The following LARP1 variants were observed in gnomAD, a reference collection of about 807,000 sequenced individuals.
LARP1 encodes the protein la-related protein 1.
LARP1 carries 36 observed loss-of-function variants against 122.7 expected under a neutral mutation model. The observed-to-expected ratio is 0.29, with a 90% CI of 0.22 to 0.39. The LOEUF (loss-of-function observed/expected upper bound fraction) is 0.39, where lower values mean the gene tolerates loss of function less well. Among genes scored for constraint, LARP1 ranks in the 10% least tolerant of loss-of-function variants. The probability of loss-of-function intolerance (pLI) is 1.00; values close to 1 mark genes in which losing one functional copy is unlikely to be tolerated. For missense variants in LARP1, 1,040 were observed against 1,403.6 expected, an observed-to-expected ratio of 0.74 and a Z score of 4.14; for synonymous variants, 539 against 528.7, an observed-to-expected ratio of 1.02 and a Z score of -0.27.
At position 154,756,178 on chromosome 5, in the gene LARP1, G is replaced by C. The variant is rs1284988267; in HGVS notation, c.421G>C (p.Gly141Arg). The C allele has an allele frequency of 7.6e-7, 1 of 1,308,756 alleles. No homozygotes were observed. The highest frequency in any genetic ancestry group is 1.0e-6 in the Non-Finnish European group (1 of 994,966). The allele number at this position is 1,308,756 out of a possible 1,614,324, so 81.1% of individuals were successfully genotyped here. A position where few individuals can be genotyped will look rare whatever the true frequency, so the allele number is the denominator to read the frequency against. ...GCCGCCGGTCCTGACCACCGTGAAC[G>C]GACAGTCCCCCCCAGGTGGGTCTCC... ...ALPPVLTTVN[G>R]QSPPEHSAPA... Residue 141 changes from glycine (G) to arginine (R), a missense_variant, in exon 1 of 19, where the codon GGA becomes CGA. This residue lies in a region of LARP1 where 257 missense variants were observed against 273.3 expected (regional missense o/e 0.94). Transcript: ENST00000518297.
chr5:154,800,086 C>T, intron 10 of LARP1, 44 bp downstream of exon 10: 1 of 1,578,910 alleles, frequency 6.3e-7, no homozygotes, highest in Admixed American at 1.7e-5. Context: ...GCACTCTGAG[C>T]TAGGGTGCTT....
intron 1 of LARP1, among the ~76,000 whole-genome samples, chr5:154,788,425 C>T (rs1757058895): frequency 6.6e-6 from 1 of 152,136 alleles, no homozygotes; most frequent in African/African-American, 2.4e-5. Context: ...AGTGGCCTCA[C>T]AGTGAGGAGT....
intron 13 of LARP1, among the ~76,000 whole-genome samples, 162 bp from the exon 14 acceptor site, chr5:154,804,039 T>A (rs943244444): frequency 1.3e-5 from 2 of 152,180 alleles, no homozygotes; most frequent in African/African-American, 4.8e-5. Context: ...GAAATAGGCA[T>A]ACCAGTTCCT....
chr5:154,688,925 A>G (rs1754062286), intron 1 of LARP1, among the ~76,000 whole-genome samples: 1 of 152,238 alleles, frequency 6.6e-6, no homozygotes, highest in Non-Finnish European at 1.5e-5. Context: ...GAATGTATTA[A>G]TGCATTCCTT....
At chr5:154,704,188 A>G (rs770552214) in intron 1 of LARP1, among the ~76,000 whole-genome samples, 1 of 152,246 alleles carries the variant, frequency 6.6e-6, no homozygotes, top group African/African-American at 2.4e-5. Context: ...TGGGTTAATT[A>G]CAAGTACGAT....
At chr5:154,781,686 C>T (rs147277535) in intron 1 of LARP1, among the ~76,000 whole-genome samples, 25 of 152,296 alleles carry the variant, frequency 1.6e-4, no homozygotes, top group African/African-American at 5.8e-4. Context: ...CAAGCTTGTC[C>T]AAAGGACGGC....
At chr5:154,738,451 G>A (rs901363289) in intron 1 of LARP1, among the ~76,000 whole-genome samples, 3 of 152,202 alleles carry the variant, frequency 2.0e-5, no homozygotes, top group African/African-American at 7.2e-5. Flanking sequence ...AATTAGCCAG[G>A]TTTGGCAGCA....
intron 16 of LARP1, among the ~76,000 whole-genome samples, chr5:154,809,120 C>G (rs1759035539): frequency 6.6e-6 from 1 of 151,934 alleles, no homozygotes; most frequent in Admixed American, 6.6e-5. Context: ...TAGTCCATCT[C>G]CTATTAGTGG....
At chr5:154,753,441 T>C (rs1753611890), upstream of LARP1, among the ~76,000 whole-genome samples, 1 of 152,232 alleles carries the variant, frequency 6.6e-6, no homozygotes, top group African/African-American at 2.4e-5. Flanking sequence ...ACCTCATCTC[T>C]TCAAATAAAT....
At chr5:154,809,995 C>T (rs746644673) in intron 16 of LARP1, among the ~76,000 whole-genome samples, 65 of 152,160 alleles carry the variant, frequency 4.3e-4, no homozygotes, top group Non-Finnish European at 3.5e-4. Context: ...TGTGAGCCAC[C>T]GCGCCCTGCC....
intron 1 of LARP1, among the ~76,000 whole-genome samples, chr5:154,742,950 G>C (rs1752984413): frequency 6.6e-6 from 1 of 152,166 alleles, no homozygotes; most frequent in Non-Finnish European, 1.5e-5. Context: ...AAGGGAAGCA[G>C]TGTGACAAAC....
intron 1 of LARP1, among the ~76,000 whole-genome samples, chr5:154,781,410 G>A (rs1756422655): frequency 6.6e-6 from 1 of 152,140 alleles, no homozygotes; most frequent in Non-Finnish European, 1.5e-5. Context: ...GGCTAATATG[G>A]TGAAACCCTG....
At chr5:154,686,310 A>T (rs541335771) in intron 1 of LARP1, among the ~76,000 whole-genome samples, 1 of 152,138 alleles carries the variant, frequency 6.6e-6, no homozygotes, top group South Asian at 2.1e-4. Context: ...GCTCCGGAAG[A>T]GGTGGTGTTT....
intron 1 of LARP1, among the ~76,000 whole-genome samples, chr5:154,750,211 C>T (rs577814062): frequency 2.6e-5 from 4 of 152,330 alleles, no homozygotes; most frequent in Middle Eastern, 3.4e-3. Context: ...GTTTTTGAGA[C>T]GGGGTCTCAC....
chr5:154,733,578 T>C (rs1017890056), intron 1 of LARP1, among the ~76,000 whole-genome samples: 3 of 151,774 alleles, frequency 2.0e-5, no homozygotes, highest in African/African-American at 7.3e-5. Flanking sequence ...TTTTTTTTTT[T>C]TGGAGACGGA....
At chr5:154,806,088 G>A in intron 15 of LARP1, 56 bp downstream of exon 15, 7 of 1,576,098 alleles carry the variant, frequency 4.4e-6, no homozygotes, top group Non-Finnish European at 6.0e-6. Context: ...TAGACCCAGA[G>A]TATAAGAGTT....
intron 1 of LARP1, among the ~76,000 whole-genome samples, chr5:154,721,387 CTGTT>C (rs1271544022): frequency 2.7e-5 from 4 of 148,742 alleles, no homozygotes; most frequent in Admixed American, 6.7e-5. Context: ...AGGGATTCCT[CTGTT>C]TGTTTGAATG....
At chr5:154,801,877 T>G in intron 10 of LARP1, 130 bp from the exon 11 acceptor site, 1 of 793,960 alleles carries the variant, frequency 1.3e-6, no homozygotes. Flanking sequence ...TGTGACCTGC[T>G]GGTGTTACCA....
At chr5:154,812,806 C>T (rs928480203) in intron 18 of LARP1, among the ~76,000 whole-genome samples, 2 of 151,988 alleles carry the variant, frequency 1.3e-5, no homozygotes, top group East Asian at 1.9e-4. Context: ...CATGAGCCAC[C>T]GCGCCCGGCC....
Sources: gnomAD v4.1 joint callset for allele counts (sites outside exome capture counted in the v4.1 genomes callset) on GRCh38, gnomAD v4.1.1 for gene constraint, gnomAD v4.1.1 regional missense constraint, MANE v1.5 for transcripts, NCBI Gene and HGNC (gene_info 2026-07-23, HGNC 2026-07-21) for gene names.